Variants in ADAMTSL1 observed in about 807,000 individuals in gnomAD.
The protein encoded by ADAMTSL1 is ADAMTS-like protein 1.
A neutral mutation model predicts 201.8 loss-of-function variants in ADAMTSL1; 126 were observed. The observed-to-expected ratio is 0.62, with a 90% confidence interval of 0.54 to 0.72. The LOEUF is 0.72. Among genes scored for constraint, ADAMTSL1 ranks in the 30% least tolerant of loss-of-function variants. The pLI, the probability that ADAMTSL1 is intolerant of heterozygous loss-of-function variation, is 0.00. For synonymous variants in ADAMTSL1, 1,121 were observed against 903.4 expected, an observed-to-expected ratio of 1.24 and a Z score of -4.32; for missense variants, 2,679 against 2,277.8, an observed-to-expected ratio of 1.18 and a Z score of -3.59.
At chr9:18,799,060 C>A (rs1387931111) in intron 20 of ADAMTSL1, among the ~76,000 whole-genome samples, 1 of 152,150 alleles carries the variant, frequency 6.6e-6, no homozygotes, top group Non-Finnish European at 1.5e-5. Flanking sequence ...GTTTCCCTCC[C>A]TACCTCCCTG....
At chr9:18,544,793 T>A (rs1192379914) in intron 3 of ADAMTSL1, among the ~76,000 whole-genome samples, 4 of 152,238 alleles carry the variant, frequency 2.6e-5, no homozygotes, top group African/African-American at 9.6e-5. Context: ...TCAGTTGTTA[T>A]ATTGAGACCC....
At chr9:18,362,743 G>T (rs1179629236) in intron 2 of ADAMTSL1, among the ~76,000 whole-genome samples, 1 of 152,198 alleles carries the variant, frequency 6.6e-6, no homozygotes, top group Non-Finnish European at 1.5e-5. Flanking sequence ...TCTTTCATCA[G>T]TGTCTAATTT....
At chr9:18,776,724 T>A in intron 18 of ADAMTSL1, 57 bp from the exon 19 acceptor site, 10 of 1,477,606 alleles carry the variant, frequency 6.8e-6, no homozygotes, top group Non-Finnish European at 9.0e-6. Flanking sequence ...CATCTCACTC[T>A]GGGTTTTCTC....
At chr9:18,757,637 G>C (rs1324928595) in intron 16 of ADAMTSL1, among the ~76,000 whole-genome samples, 1 of 152,102 alleles carries the variant, frequency 6.6e-6, no homozygotes, top group Non-Finnish European at 1.5e-5. Flanking sequence ...GCCCAGCAGA[G>C]AGCCTCCCTC....
At chr9:18,449,271 T>C (rs1345219580) in intron 2 of ADAMTSL1, among the ~76,000 whole-genome samples, 7 of 150,470 alleles carry the variant, frequency 4.7e-5, no homozygotes, top group Non-Finnish European at 8.9e-5. Context: ...AACTCTATTA[T>C]ATAATTTAAA....
chr9:18,599,584 A>T (rs1473020421), intron 4 of ADAMTSL1, among the ~76,000 whole-genome samples: 2 of 152,098 alleles, frequency 1.3e-5, no homozygotes, highest in African/African-American at 4.8e-5. Context: ...CCATTTTCCC[A>T]GTAGTAGTCT....
At chr9:18,632,978 T>C (rs1826872303) in intron 5 of ADAMTSL1, among the ~76,000 whole-genome samples, 1 of 152,152 alleles carries the variant, frequency 6.6e-6, no homozygotes, top group East Asian at 1.9e-4. Flanking sequence ...ATGCTAATGT[T>C]ACCACACCCT....
chr9:18,039,635 A>C (rs1182363442), intron 1 of ADAMTSL1, among the ~76,000 whole-genome samples: 2 of 152,180 alleles, frequency 1.3e-5, no homozygotes, highest in Non-Finnish European at 2.9e-5. Context: ...TACTGGTGGA[A>C]ATTTAGAAAA....
At chr9:18,729,363 G>A (rs1458499401) in intron 15 of ADAMTSL1, among the ~76,000 whole-genome samples, 2 of 152,138 alleles carry the variant, frequency 1.3e-5, no homozygotes, top group African/African-American at 2.4e-5. Context: ...CAAAGACAAA[G>A]CACCTCTATT....
At chr9:18,180,310 G>A (rs1828398779) in intron 2 of ADAMTSL1, among the ~76,000 whole-genome samples, 1 of 152,048 alleles carries the variant, frequency 6.6e-6, no homozygotes. Context: ...GAGGCGGGCG[G>A]ATCACGAGGT....
intron 21 of ADAMTSL1, among the ~76,000 whole-genome samples, chr9:18,824,693 T>TG (rs1824426691): frequency 7.6e-6 from 1 of 131,122 alleles, no homozygotes; most frequent in African/African-American, 2.9e-5. Context: ...CTTGACCCTT[T>TG]TTTTTTTTTT....
intron 2 of ADAMTSL1, among the ~76,000 whole-genome samples, chr9:18,232,518 C>T (rs891491599): frequency 2.6e-5 from 4 of 151,952 alleles, no homozygotes; most frequent in Admixed American, 2.6e-4. Flanking sequence ...CTTTTTTTCG[C>T]TGATGTGTTT....
chr9:18,803,739 G>A (rs1051104554), intron 20 of ADAMTSL1, among the ~76,000 whole-genome samples: 7 of 151,668 alleles, frequency 4.6e-5, no homozygotes, highest in Admixed American at 4.6e-4. Context: ...TCCTTTTTTG[G>A]GTAAACATGT....
chr9:18,068,717 A>C (rs1036311147), intron 1 of ADAMTSL1, among the ~76,000 whole-genome samples: 3 of 152,230 alleles, frequency 2.0e-5, no homozygotes, highest in Non-Finnish European at 4.4e-5. Context: ...TAATATATTT[A>C]ACAAGTTTTC....
At chr9:18,543,970 A>G (rs1820323943) in intron 3 of ADAMTSL1, among the ~76,000 whole-genome samples, 1 of 151,544 alleles carries the variant, frequency 6.6e-6, no homozygotes, top group Non-Finnish European at 1.5e-5. Flanking sequence ...TCAATTTCTT[A>G]TCCTCTGCTT....
intron 2 of ADAMTSL1, among the ~76,000 whole-genome samples, chr9:18,235,687 G>T (rs543042208): frequency 6.6e-6 from 1 of 152,280 alleles, no homozygotes; most frequent in African/African-American, 2.4e-5. Flanking sequence ...TCTATAATCT[G>T]CCCACAGTTA....
At chr9:18,123,655 G>A (rs544216912) in intron 1 of ADAMTSL1, among the ~76,000 whole-genome samples, 2 of 152,156 alleles carry the variant, frequency 1.3e-5, no homozygotes, top group South Asian at 4.2e-4. Flanking sequence ...AAATGTATAG[G>A]TTCAATGAAT....
At chr9:18,231,793 A>G (rs1026958216) in intron 2 of ADAMTSL1, among the ~76,000 whole-genome samples, 5 of 152,192 alleles carry the variant, frequency 3.3e-5, no homozygotes, top group Admixed American at 1.3e-4. Flanking sequence ...CTAGTTGCTT[A>G]TGCCAAAAAC....
At chr9:18,320,986 C>G (rs1393564276) in intron 2 of ADAMTSL1, among the ~76,000 whole-genome samples, 1 of 151,870 alleles carries the variant, frequency 6.6e-6, no homozygotes. Context: ...AACTGTATTA[C>G]TAATTATATT....
Sources: allele counts gnomAD v4.1 joint callset (sites outside exome capture counted in the v4.1 genomes callset), GRCh38; gene constraint gnomAD v4.1.1; transcripts MANE v1.5; gene names NCBI Gene and HGNC (gene_info 2026-07-23, HGNC 2026-07-21).